The following STPG2 variants were observed in gnomAD, a reference collection of about 807,000 sequenced individuals.
The protein encoded by STPG2 is sperm tail PG-rich repeat containing 2.
In STPG2, 56 loss-of-function variants were observed where a neutral mutation model predicts 54.2. The ratio of observed to expected loss-of-function variants is 1.03; its 90% CI spans 0.83 to 1.29. The LOEUF is 1.29. STPG2 is among the 50% of genes most tolerant of loss of function. The pLI is 0.00. For missense variants in STPG2, 596 were observed against 544.9 expected (o/e 1.09, Z -0.93); for synonymous variants, 200 against 181.8 (o/e 1.10, Z -0.81).
At chr4:97,759,608 AAAG>A (rs1725829681) in intron 9 of STPG2, among the ~76,000 whole-genome samples, 1 of 152,166 alleles carries the variant, frequency 6.6e-6, no homozygotes, top group African/African-American at 2.4e-5. Context: ...TGTATGTAGA[AAAG>A]AAGGTTGGAG....
At chr4:97,658,250 T>C (rs1436990118) in intron 10 of STPG2, among the ~76,000 whole-genome samples, 2 of 152,228 alleles carry the variant, frequency 1.3e-5, no homozygotes, top group Non-Finnish European at 2.9e-5. Flanking sequence ...AAATTTGAAA[T>C]TGTGTTCTTA....
In STPG2 at chr4:97,751,279, G is replaced by T. The variant is rs541674898; in HGVS notation, c.1205-38465C>A. 1.1e-3 allele frequency among the ~76,000 whole-genome samples: 168 copies of T among 151,776 alleles called. 1 individual carries two copies. The highest frequency in any genetic ancestry group is 3.7e-3 in the African/African-American group (154 of 41,468). On this transcript the variant is annotated intron_variant, in intron 9 of 10. Coordinates refer to ENST00000295268, the MANE Select transcript of STPG2 (RefSeq NM_174952.3). ...CTTTTCCTTTTTGCTGATTTTAGTC[G>T]ATATCCTGTTGTTGTAATAAATAAA...
chr4:97,441,821 T>C (rs1729089701), intron 4 of STPG2, among the ~76,000 whole-genome samples: 1 of 152,058 alleles, frequency 6.6e-6, no homozygotes, highest in African/African-American at 2.4e-5. Context: ...TGCAATTGTT[T>C]AGACATTACA....
intron 10 of STPG2, among the ~76,000 whole-genome samples, chr4:97,596,570 G>C (rs893195147): frequency 2.0e-5 from 3 of 152,012 alleles, no homozygotes; most frequent in African/African-American, 7.3e-5. Context: ...CACACTCTCA[G>C]ATCATAACAC....
chr4:97,550,976 C>T (rs915554935), intron 4 of STPG2, among the ~76,000 whole-genome samples: 9 of 151,420 alleles, frequency 5.9e-5, no homozygotes, highest in African/African-American at 1.5e-4. Context: ...AGATGTATTG[C>T]GAAGAAGGAA....
chr4:97,952,935 G>C (rs1733528603), intron 7 of STPG2, among the ~76,000 whole-genome samples: 1 of 152,144 alleles, frequency 6.6e-6, no homozygotes, highest in Non-Finnish European at 1.5e-5. Context: ...CCAGCCAGGA[G>C]GTGGTGCTTG....
At chr4:97,871,522 G>T (rs1486554469) in intron 8 of STPG2, among the ~76,000 whole-genome samples, 1 of 150,920 alleles carries the variant, frequency 6.6e-6, no homozygotes. Flanking sequence ...CTACTTTTCA[G>T]ACCTTGATTT....
chr4:97,682,473 G>T (rs575924985), intron 10 of STPG2, among the ~76,000 whole-genome samples: 1 of 151,844 alleles, frequency 6.6e-6, no homozygotes, highest in South Asian at 2.1e-4. Context: ...CTCCAATACA[G>T]ATACACTTTG....
At chr4:97,990,936 T>G (rs191000620) in intron 5 of STPG2, among the ~76,000 whole-genome samples, 8 of 152,182 alleles carry the variant, frequency 5.3e-5, no homozygotes, top group Admixed American at 3.9e-4. Flanking sequence ...TTCCAATAGG[T>G]TTTTGGGAAA....
intron 5 of STPG2, among the ~76,000 whole-genome samples, chr4:98,061,174 A>T (rs1248028033): frequency 6.6e-6 from 1 of 152,246 alleles, no homozygotes; most frequent in Non-Finnish European, 1.5e-5. Context: ...TGCATCTGAC[A>T]AAGGTCTAAT....
At chr4:97,811,668 A>C (rs1001859433) in intron 9 of STPG2, among the ~76,000 whole-genome samples, 2 of 150,846 alleles carry the variant, frequency 1.3e-5, no homozygotes, top group Admixed American at 1.3e-4. Flanking sequence ...CTAAAGGAGA[A>C]TATGTGGTAA....
At chr4:97,582,088 A>C (rs2148891519) in intron 10 of STPG2, among the ~76,000 whole-genome samples, 1 of 152,072 alleles carries the variant, frequency 6.6e-6, no homozygotes, top group South Asian at 2.1e-4. Context: ...AGCTACATTC[A>C]ACACTGGCTC....
intron 5 of STPG2, among the ~76,000 whole-genome samples, chr4:98,096,632 T>C (rs1175602748): frequency 6.6e-6 from 1 of 151,790 alleles, no homozygotes; most frequent in Non-Finnish European, 1.5e-5. Flanking sequence ...AGAGTAGAAA[T>C]AAATGAATTT....
intron 8 of STPG2, among the ~76,000 whole-genome samples, chr4:97,851,108 C>T (rs1295898393): frequency 6.6e-6 from 1 of 152,138 alleles, no homozygotes; most frequent in African/African-American, 2.4e-5. Flanking sequence ...TCTCAGAATA[C>T]ACAGCTCTTA....
intron 5 of STPG2, among the ~76,000 whole-genome samples, chr4:97,989,462 A>G (rs1734943602): frequency 6.6e-6 from 1 of 152,152 alleles, no homozygotes; most frequent in Non-Finnish European, 1.5e-5. Flanking sequence ...ATATATATCT[A>G]TGATAAAGTT....
At chr4:97,508,684 CATA>C (rs916728217) in intron 4 of STPG2, among the ~76,000 whole-genome samples, 2 of 151,932 alleles carry the variant, frequency 1.3e-5, no homozygotes, top group African/African-American at 2.4e-5. Context: ...ATTATAACGA[CATA>C]ATGATGTTAT....
chr4:97,633,757 T>G (rs529238200), intron 10 of STPG2: 1 of 153,498 alleles, frequency 6.5e-6, no homozygotes, highest in African/African-American at 2.4e-5. Flanking sequence ...ATCGGGTCAC[T>G]CCCACCCGAA....
intron 10 of STPG2, among the ~76,000 whole-genome samples, chr4:97,595,745 T>C (rs1422870133): frequency 2.6e-5 from 4 of 152,068 alleles, no homozygotes; most frequent in South Asian, 2.1e-4. Flanking sequence ...ACCAGACCTA[T>C]CTTACAAGTG....
intron 5 of STPG2, among the ~76,000 whole-genome samples, chr4:98,042,519 T>A (rs1259852307): frequency 6.6e-6 from 1 of 151,910 alleles, no homozygotes; most frequent in Non-Finnish European, 1.5e-5. Context: ...GTATGTTGTG[T>A]CCCCATTTTT....
Sources: gnomAD v4.1 joint callset for allele counts (sites outside exome capture counted in the v4.1 genomes callset) on GRCh38, gnomAD v4.1.1 for gene constraint, MANE v1.5 for transcripts, NCBI Gene and HGNC (gene_info 2026-07-23, HGNC 2026-07-21) for gene names.